The following AS3MT variants were observed in gnomAD, a reference collection of about 807,000 sequenced individuals.
The protein encoded by AS3MT is S-adenosyl-L-methionine:arsenic(III) methyltransferase.
In AS3MT, 47 loss-of-function variants were observed where a neutral mutation model predicts 45.3. The ratio of observed to expected loss-of-function variants is 1.04; its 90% CI spans 0.82 to 1.32. The LOEUF is 1.32. Ranked by LOEUF, AS3MT falls within the 40% of genes most tolerant of loss-of-function variation. The pLI is 0.00. For missense variants in AS3MT, 396 were observed against 451.1 expected, an observed-to-expected ratio of 0.88 and a Z score of 1.11; for synonymous variants, 141 against 152.8, an observed-to-expected ratio of 0.92 and a Z score of 0.57.
chr10:102,895,439 G>C (rs1845148932), intron 10 of AS3MT, among the ~76,000 whole-genome samples: 1 of 152,038 alleles, frequency 6.6e-6, no homozygotes, highest in East Asian at 1.9e-4. Context: ...GACATCAGAT[G>C]ATCCACCAGC....
At chr10:102,875,283 C>G (rs543258217) in intron 6 of AS3MT, among the ~76,000 whole-genome samples, 2 of 151,968 alleles carry the variant, frequency 1.3e-5, no homozygotes, top group Non-Finnish European at 2.9e-5. Flanking sequence ...TTGAGACCAG[C>G]TTGGCCAACA....
intron 10 of AS3MT, among the ~76,000 whole-genome samples, chr10:102,895,950 A>G (rs937373413): frequency 1.3e-5 from 2 of 151,966 alleles, no homozygotes; most frequent in Non-Finnish European, 2.9e-5. Context: ...TAATTTTTGT[A>G]TTTTTAGTAG....
chr10:102,872,807 G>A (rs1844715361), intron 4 of AS3MT, among the ~76,000 whole-genome samples: 1 of 152,168 alleles, frequency 6.6e-6, no homozygotes, highest in African/African-American at 2.4e-5. Context: ...TCGGAGGTTT[G>A]CTCTGATATG....
chr10:102,899,180 C>T (rs1005067933), intron 10 of AS3MT, among the ~76,000 whole-genome samples: 16 of 152,114 alleles, frequency 1.1e-4, no homozygotes, highest in Admixed American at 8.5e-4. Flanking sequence ...TCAGTAGAGA[C>T]GGGGTTTCAT....
At chr10:102,878,264 G>T (rs1462140647) in intron 7 of AS3MT, 115 bp from the exon 8 acceptor site, 4 of 1,410,528 alleles carry the variant, frequency 2.8e-6, no homozygotes, top group Non-Finnish European at 3.8e-6. Context: ...TCTACTGCTA[G>T]GATCTATGTT....
At chr10:102,893,823 AG>A (rs1845116982) in intron 10 of AS3MT, among the ~76,000 whole-genome samples, 1 of 152,000 alleles carries the variant, frequency 6.6e-6, no homozygotes, top group Non-Finnish European at 1.5e-5. Context: ...TAGTAGAGAC[AG>A]GGTTTCACCA....
rs572463372 is a variant in AS3MT at position 102,899,223 on chromosome 10, C to G, written c.1021-1370C>G. Among the ~76,000 whole-genome samples the G allele has an allele frequency of 5.9e-5, 9 of 152,246 alleles. No homozygotes were observed. The South Asian group carries it at 1.7e-3, about 28-fold the overall frequency. ...GCCAGGCTGGTCTCGAACTCCTGAC[C>G]TCAGGTGATCCACTGCCTTGGCCTC... On this transcript the variant is annotated intron_variant, in intron 10 of 10. Coordinates refer to ENST00000369880, the MANE Select transcript of AS3MT (RefSeq NM_020682.4).
intron 3 of AS3MT, among the ~76,000 whole-genome samples, chr10:102,872,057 G>C (rs558246076): frequency 1.3e-5 from 2 of 151,838 alleles, no homozygotes; most frequent in African/African-American, 4.8e-5. Flanking sequence ...TGATTTTTTG[G>C]TATTTTTAGT....
At chr10:102,899,152 C>T (rs887835216) in intron 10 of AS3MT, among the ~76,000 whole-genome samples, 6 of 152,172 alleles carry the variant, frequency 3.9e-5, no homozygotes, top group Non-Finnish European at 7.3e-5. Context: ...CCACCACGCC[C>T]AACTAATTTT....
chr10:102,877,908 A>G (rs1002671369), intron 7 of AS3MT, among the ~76,000 whole-genome samples: 3 of 151,936 alleles, frequency 2.0e-5, no homozygotes, highest in African/African-American at 7.3e-5. Context: ...GCATGCCACC[A>G]TGCCCAGCTA....
At chr10:102,897,218 A>AT (rs1845188600) in intron 10 of AS3MT, among the ~76,000 whole-genome samples, 1 of 151,668 alleles carries the variant, frequency 6.6e-6, no homozygotes, top group Non-Finnish European at 1.5e-5. Flanking sequence ...CCCCGTCTCT[A>AT]CTAAAAATAC....
intron 6 of AS3MT, among the ~76,000 whole-genome samples, chr10:102,875,629 G>GT (rs879464385): frequency 7.6e-4 from 110 of 144,206 alleles, no homozygotes; most frequent in Admixed American, 1.2e-3. Context: ...CTAAAAAAAT[G>GT]TTTTTTTTTT....
chr10:102,877,138 T>G, intron 7 of AS3MT, 103 bp downstream of exon 7: 9 of 1,131,630 alleles, frequency 8.0e-6, no homozygotes, highest in Non-Finnish European at 1.0e-5. Flanking sequence ...TCACATGGGG[T>G]TAGGCCATGA....
chr10:102,889,389 A>G (rs994154429), intron 9 of AS3MT, among the ~76,000 whole-genome samples: 2 of 152,050 alleles, frequency 1.3e-5, no homozygotes. Flanking sequence ...AGTTCCATGC[A>G]TCTTGCTGCA....
rs548205315 is a variant in AS3MT at position 102,898,717 on chromosome 10, C to G, written c.1021-1876C>G. On this transcript the variant is annotated intron_variant, in intron 10 of 10. Coordinates refer to ENST00000369880, the MANE Select transcript of AS3MT (RefSeq NM_020682.4). ...CATAGCAGTAATATAGAGGAATTAA[C>G]TTTTATTGAATAGTTAATATGTTTA... 3.3e-5 allele frequency among the ~76,000 whole-genome samples: 5 copies of G among 152,306 alleles called. No individual in the cohort carries two copies. The East Asian group carries it at 9.6e-4, about 29-fold the overall frequency.
At chr10:102,897,479 T>C (rs1845195774) in intron 10 of AS3MT, among the ~76,000 whole-genome samples, 1 of 151,300 alleles carries the variant, frequency 6.6e-6, no homozygotes, top group African/African-American at 2.4e-5. Flanking sequence ...GGCTTTTTTT[T>C]TTTCCTTTGA....
intron 9 of AS3MT, 59 bp downstream of exon 9, chr10:102,879,050 C>A (rs1042869635): frequency 4.5e-6 from 7 of 1,541,208 alleles, no homozygotes; most frequent in Non-Finnish European, 5.3e-6. Context: ...CTTGCTCCAG[C>A]TATCTTTTCT....
rs143115650 is a variant in AS3MT, at chr10:102,877,346, A to G, written c.610+311A>G. Among the ~76,000 whole-genome samples the G allele has an allele frequency of 4.2e-4, 64 of 152,294 alleles. 1 individual carries two copies. The East Asian group carries it at 0.012, about 29-fold the overall frequency. Reference sequence around the variant, plus strand: ...AAACTCTAGTGTGGAAATGAGGACAATTGTTCCCAAGCTGGTGTCCTCTTA... The same window carrying G: ...AAACTCTAGTGTGGAAATGAGGACAGTTGTTCCCAAGCTGGTGTCCTCTTA... On this transcript the variant is annotated intron_variant, in intron 7 of 10. Transcript: ENST00000369880.
intron 10 of AS3MT, among the ~76,000 whole-genome samples, chr10:102,898,844 A>G (rs184060827): frequency 6.6e-6 from 1 of 152,340 alleles, no homozygotes; most frequent in East Asian, 1.9e-4. Context: ...CCAAAGTCAT[A>G]CAGCTAGAAA....
Sources: allele counts gnomAD v4.1 joint callset (sites outside exome capture counted in the v4.1 genomes callset), GRCh38; gene constraint gnomAD v4.1.1; transcripts MANE v1.5; gene names NCBI Gene and HGNC (gene_info 2026-07-23, HGNC 2026-07-21).